SMYD2: variants seen among roughly 807,000 people sequenced by gnomAD.
SMYD2 encodes N-lysine methyltransferase SMYD2.
SMYD2 carries 53 observed loss-of-function variants against 59.1 expected under a neutral mutation model. The ratio of observed to expected loss-of-function variants is 0.90; its 90% confidence interval spans 0.72 to 1.13. SMYD2 has a LOEUF of 1.13. SMYD2 is among the 50% of genes most tolerant of loss of function. The probability of loss-of-function intolerance (pLI) is 0.00; values close to 1 mark genes in which losing one functional copy is unlikely to be tolerated. For missense variants in SMYD2, 494 were observed against 544.7 expected (o/e 0.91, Z 0.93); for synonymous variants, 208 against 198.8 (o/e 1.05, Z -0.39).
chr1:214,312,761 G>A lies in SMYD2; in HGVS notation c.238-2001G>A, dbSNP rs1246659987. On this transcript the variant is annotated intron_variant, in intron 2 of 11. Coordinates refer to ENST00000366957, the MANE Select transcript of SMYD2 (RefSeq NM_020197.3). The surrounding 1 kb of genome is among the most constrained non-coding windows in gnomAD (Gnocchi z 4.1). ...TGATGGGCTGGGGTGGTGCAGGGAC[G>A]CTCCCATCACGTGTGGCCTCCTAGG... 2.6e-5 allele frequency among the ~76,000 whole-genome samples: 4 copies of A among 152,180 alleles called. No individual in the cohort carries two copies. The highest frequency in any genetic ancestry group is 7.2e-5 in the African/African-American group (3 of 41,448).
intron 6 of SMYD2, among the ~76,000 whole-genome samples, chr1:214,325,864 G>A (rs1027982624): frequency 6.8e-6 from 1 of 146,524 alleles, no homozygotes; most frequent in African/African-American, 2.5e-5. Flanking sequence ...GGCGTGTATT[G>A]ACACCTTTAT....
intron 1 of SMYD2, among the ~76,000 whole-genome samples, chr1:214,283,689 C>T (rs1461921298): frequency 1.3e-5 from 2 of 152,136 alleles, no homozygotes; most frequent in African/African-American, 2.4e-5. Flanking sequence ...TATTTTCCTC[C>T]ATAGGGCCTC....
At chr1:214,290,007 C>G (rs1269572802) in intron 1 of SMYD2, among the ~76,000 whole-genome samples, 1 of 152,228 alleles carries the variant, frequency 6.6e-6, no homozygotes, top group Non-Finnish European at 1.5e-5. Flanking sequence ...GGGTTGAACC[C>G]ATGACCTTGG....
chr1:214,299,067 C>T (rs923943331), intron 1 of SMYD2, among the ~76,000 whole-genome samples: 5 of 152,072 alleles, frequency 3.3e-5, no homozygotes, highest in Non-Finnish European at 4.4e-5. Context: ...GAGAGGATTG[C>T]TTGAGCACAA....
Position 214,334,322 on chromosome 1 carries a change from T to C in SMYD2, c.1221+14T>C. 6.2e-7 allele frequency: 1 copy of C among 1,611,334 alleles called. No homozygotes were observed. The highest frequency in any genetic ancestry group is 8.5e-7 in the Non-Finnish European group (1 of 1,178,680). On this transcript the variant is annotated intron_variant, in intron 11 of 11. Coordinates refer to ENST00000366957, the MANE Select transcript of SMYD2 (RefSeq NM_020197.3). ...GCCCTGAAGAAGGTATGTCTGTAAC[T>C]CGGCCTTAGGATTCCCAGTGGCCAG... is the stretch of plus-strand genomic sequence containing the variant.
At chr1:214,306,419 GGCTGAGACCTTGGCTTGGGAA>G (rs1172378546) in intron 2 of SMYD2, among the ~76,000 whole-genome samples, 1 of 152,208 alleles carries the variant, frequency 6.6e-6, no homozygotes, top group Non-Finnish European at 1.5e-5. Flanking sequence ...ATGAAGCACA[GGCTGAGACCTTGGCTTGGGAA>G]GCTCAGACTC....
In SMYD2 at chr1:214,312,593, T is replaced by C. The variant is rs1474390433; in HGVS notation, c.238-2169T>C. ...CAGCGGCTGGAGAGGAGGGAGGGAG[T>C]CACATGGATATCCAGGGGAGGAGAG... On this transcript the variant is annotated intron_variant, in intron 2 of 11. Coordinates refer to ENST00000366957, the MANE Select transcript of SMYD2 (RefSeq NM_020197.3). The surrounding 1 kb of genome is among the most constrained non-coding windows in gnomAD (Gnocchi z 4.1). Among the ~76,000 whole-genome samples the C allele has an allele frequency of 6.6e-6, 1 of 150,612 alleles. No individual in the cohort carries two copies. Among genetic ancestry groups the C allele is most frequent in the Non-Finnish European group, 1.5e-5 (1 of 67,680 alleles).
At chr1:214,322,266 C>A (rs1229877550) in intron 5 of SMYD2, among the ~76,000 whole-genome samples, 1 of 152,146 alleles carries the variant, frequency 6.6e-6, no homozygotes, top group South Asian at 2.1e-4. Context: ...CAGTATAATA[C>A]CGGATACAGG....
At chr1:214,321,838 C>T (rs1657177042) in intron 5 of SMYD2, among the ~76,000 whole-genome samples, 1 of 152,186 alleles carries the variant, frequency 6.6e-6, no homozygotes, top group Non-Finnish European at 1.5e-5. Context: ...CACTTTTCTT[C>T]TCTAGGGATA....
In SMYD2 at chr1:214,331,062, A is replaced by G; in HGVS notation, c.929A>G (p.His310Arg). Residue 310 changes from histidine (H) to arginine (R), a missense_variant, in exon 9 of 12, where the codon CAC (histidine) becomes CGC (arginine). His to Arg is a conservative substitution (Grantham distance 29, BLOSUM62 0). Coordinates refer to ENST00000366957, the MANE Select transcript of SMYD2 (RefSeq NM_020197.3). ...ATTGAAGAGTTCCGGAGGGCCAAGC[A>G]CTATAAATATATCCTTTACAACTGC... ...NVIEEFRRAK[H>R]YKSPSELLEI... 1.9e-6 allele frequency: 3 copies of G among 1,614,218 alleles called. No homozygotes were observed. The highest frequency in any genetic ancestry group is 2.5e-6 in the Non-Finnish European group (3 of 1,180,022).
chr1:214,318,790 A>T lies in SMYD2; in HGVS notation c.410-69A>T. 2 of 1,568,342 alleles carry T rather than the reference A, an allele frequency of 1.3e-6. No homozygotes were observed. The highest frequency in any genetic ancestry group is 1.7e-6 in the Non-Finnish European group (2 of 1,156,164). On this transcript the variant is annotated intron_variant, in intron 4 of 11. Coordinates refer to ENST00000366957, the MANE Select transcript of SMYD2 (RefSeq NM_020197.3). This position sits in a 1 kb window ranked among gnomAD's most constrained non-coding sequence, Gnocchi z 5.4. Reference sequence around the variant, plus strand: ...CGTTCCTTTCCTCTGTATCATTTACAGCAAAAATAGGATGTAGCTAGAAAT... The same window carrying T: ...CGTTCCTTTCCTCTGTATCATTTACTGCAAAAATAGGATGTAGCTAGAAAT...
chr1:214,285,240 C>A (rs2102451125), intron 1 of SMYD2, among the ~76,000 whole-genome samples: 1 of 152,330 alleles, frequency 6.6e-6, no homozygotes, highest in East Asian at 1.9e-4. Context: ...TTCATCTTAG[C>A]TTTCCTCTTG....
At chr1:214,314,723 T>C in intron 2 of SMYD2, 39 bp from the exon 3 acceptor site, 1 of 1,468,690 alleles carries the variant, frequency 6.8e-7, no homozygotes, top group Non-Finnish European at 9.5e-7. Context: ...TTCCAGTGTA[T>C]GTGCTATTTT....
intron 2 of SMYD2, among the ~76,000 whole-genome samples, chr1:214,313,663 C>G (rs569265442): frequency 6.6e-6 from 1 of 152,212 alleles, no homozygotes; most frequent in African/African-American, 2.4e-5. Context: ...GATTCCAAAT[C>G]ACATTCTCCG....
intron 7 of SMYD2, among the ~76,000 whole-genome samples, chr1:214,328,307 C>T (rs1360925623): frequency 6.6e-6 from 1 of 152,154 alleles, no homozygotes; most frequent in African/African-American, 2.4e-5. Flanking sequence ...GAATCTAAAT[C>T]AAAAGTCCAG....
chr1:214,287,502 G>A (rs1475011415), intron 1 of SMYD2, among the ~76,000 whole-genome samples: 1 of 149,616 alleles, frequency 6.7e-6, no homozygotes, highest in Non-Finnish European at 1.5e-5. Flanking sequence ...CAGGAGAATC[G>A]CTTGAACCCG....
intron 10 of SMYD2, 34 bp from the exon 11 acceptor site, chr1:214,334,166 A>T: frequency 6.3e-7 from 1 of 1,596,440 alleles, no homozygotes; most frequent in Non-Finnish European, 8.6e-7. Flanking sequence ...GTAGCCGCTG[A>T]CATGGTGGCC....
At chr1:214,281,629 C>G (rs1174090294) in intron 1 of SMYD2, among the ~76,000 whole-genome samples, 1 of 152,178 alleles carries the variant, frequency 6.6e-6, no homozygotes, top group East Asian at 1.9e-4. Flanking sequence ...CGAGAGGAAA[C>G]AGGACCGGTG....
chr1:214,332,187 C>G lies in SMYD2; in HGVS notation c.1107C>G (p.Pro369=), dbSNP rs368794892. 2 of 1,613,812 alleles carry G rather than the reference C, an allele frequency of 1.2e-6. No homozygotes were observed. Among genetic ancestry groups the G allele is most frequent in the African/African-American group, 2.7e-5 (2 of 74,922 alleles). The change falls in exon 10 of 12, where the codon CCC becomes CCG. Residue 369 remains proline (P), a synonymous_variant. Coordinates refer to ENST00000366957, the MANE Select transcript of SMYD2 (RefSeq NM_020197.3). The stretch of plus-strand genomic sequence containing the variant: ...AATATGGACAGAAAATCATTAAGCC[C>G]TACAGGTGATTGCAGAGGCTGTTCT... The part of the protein sequence containing the change: ...ALQYGQKIIK[P]YSKHYPLYSL...
Sources: gnomAD v4.1 joint callset for allele counts (sites outside exome capture counted in the v4.1 genomes callset) on GRCh38, gnomAD v4.1.1 for gene constraint, Gnocchi (gnomAD v3.1) non-coding constraint, MANE v1.5 for transcripts, NCBI Gene and HGNC (gene_info 2026-07-23, HGNC 2026-07-21) for gene names.